The following MYOM1 variants were observed in gnomAD, a reference collection of about 807,000 sequenced individuals.
MYOM1 encodes the protein myomesin 1.
In MYOM1, 164 loss-of-function variants were observed where a neutral mutation model predicts 205.3. The observed-to-expected ratio is 0.80, with a 90% CI of 0.70 to 0.91. The LOEUF (loss-of-function observed/expected upper bound fraction) is 0.91. Ranked by LOEUF, MYOM1 falls within the 40% of genes least tolerant of loss-of-function variation. The pLI is 0.00. For missense variants in MYOM1, 2,011 were observed against 2,127.3 expected (o/e 0.95, Z 1.08); for synonymous variants, 772 against 789.4 (o/e 0.98, Z 0.37).
intron 25 of MYOM1, 58 bp from the exon 26 acceptor site, chr18:3,094,364 C>T (rs1432349271): frequency 2.4e-6 from 2 of 820,334 alleles, no homozygotes; most frequent in Non-Finnish European, 3.5e-6. Flanking sequence ...TATTGGTACT[C>T]ATTTTCCATC....
At chr18:3,110,114 A>G (rs1301324973) in intron 22 of MYOM1, among the ~76,000 whole-genome samples, 1 of 152,240 alleles carries the variant, frequency 6.6e-6, no homozygotes, top group Non-Finnish European at 1.5e-5. Context: ...GTTCCTATAC[A>G]TTTTGTAATC....
intron 13 of MYOM1, among the ~76,000 whole-genome samples, chr18:3,146,442 G>A (rs988888709): frequency 1.3e-5 from 2 of 151,964 alleles, no homozygotes; most frequent in Admixed American, 6.6e-5. Context: ...TTTAGTTTGC[G>A]TTATTTATTT....
Position 3,133,706 on chromosome 18 carries a change from A to C in MYOM1, c.2384+944T>G, listed in dbSNP as rs187295585. Among the ~76,000 whole-genome samples the C allele has an allele frequency of 1.9e-4, 29 of 152,334 alleles. No homozygotes were observed. The East Asian group carries it at 3.7e-3, about 19-fold the overall frequency. Reference sequence around the variant, plus strand: ...AAAATCAGAGGGGTAAAAAAGGAAGAAGCAGCAAAAGCACTATGAAATGAA... The same window carrying C: ...AAAATCAGAGGGGTAAAAAAGGAAGCAGCAGCAAAAGCACTATGAAATGAA... On this transcript the variant is annotated intron_variant, in intron 16 of 37. Transcript: ENST00000356443.
In MYOM1 at chr18:3,131,584, T is replaced by G. The variant is rs1017631914; in HGVS notation, c.2385-88A>C. 2.6e-6 allele frequency: 3 copies of G among 1,163,948 alleles called. No individual in the cohort carries two copies. In the African/African-American group the frequency reaches 4.8e-5, roughly 18 times the overall value. The allele number at this position is 1,163,948 out of a possible 1,614,324, so 72.1% of individuals were successfully genotyped here. ...GCTTAATGGAGTGGATCTGGCTTTATGAAAACAATTCTTTTTTTTTTATTG... is the reference window on the plus strand; with the variant it reads ...GCTTAATGGAGTGGATCTGGCTTTAGGAAAACAATTCTTTTTTTTTTATTG... On this transcript the variant is annotated intron_variant, in intron 16 of 37. Transcript: ENST00000356443.
chr18:3,154,489 T>A (rs1322015290), intron 11 of MYOM1, among the ~76,000 whole-genome samples: 1 of 151,822 alleles, frequency 6.6e-6, no homozygotes, highest in Non-Finnish European at 1.5e-5. Flanking sequence ...GTTCCAAAGA[T>A]GAATTTTGTG....
chr18:3,209,365 A>C lies in MYOM1; in HGVS notation c.290+5569T>G, dbSNP rs80251412. On this transcript the variant is annotated intron_variant, in intron 2 of 37. Coordinates refer to ENST00000356443, the MANE Select transcript of MYOM1 (RefSeq NM_003803.4). This position sits in a 1 kb window ranked among gnomAD's most constrained non-coding sequence, Gnocchi z 4.0. ...GCTCGCACATCCGCTCTTACTGCACATCTGGCCCTGGCTGGACTACAGCAC... is the reference window on the plus strand; with the variant it reads ...GCTCGCACATCCGCTCTTACTGCACCTCTGGCCCTGGCTGGACTACAGCAC... 0.014 allele frequency among the ~76,000 whole-genome samples: 2,170 copies of C among 152,312 alleles called. 30 individuals carry two copies. The highest frequency in any genetic ancestry group is 0.051 in the South Asian group (244 of 4,824).
At chr18:3,163,586 G>A (rs1405488529) in intron 10 of MYOM1, among the ~76,000 whole-genome samples, 1 of 152,058 alleles carries the variant, frequency 6.6e-6, no homozygotes, top group African/African-American at 2.4e-5. Flanking sequence ...CCAAGTAGCT[G>A]AGACTACAAG....
intron 29 of MYOM1, among the ~76,000 whole-genome samples, chr18:3,087,404 G>A (rs1351789368): frequency 1.3e-5 from 2 of 151,660 alleles, no homozygotes; most frequent in East Asian, 1.9e-4. Flanking sequence ...TCTGTTGTCC[G>A]GGATGGCAAA....
chr18:3,246,999 A>C, the MYOM1 span: 1 of 152,278 alleles, frequency 6.6e-6, no homozygotes, highest in Non-Finnish European at 1.5e-5. Flanking sequence ...GTTTTCACCA[A>C]GTCGCAAGTC....
chr18:3,111,939 C>T (rs1186649234), intron 22 of MYOM1, among the ~76,000 whole-genome samples: 1 of 152,184 alleles, frequency 6.6e-6, no homozygotes, highest in Non-Finnish European at 1.5e-5. Context: ...GTTCTAGCTT[C>T]CCCTATGATT....
intron 13 of MYOM1, among the ~76,000 whole-genome samples, chr18:3,146,736 A>T (rs2080128113): frequency 6.6e-6 from 1 of 152,072 alleles, no homozygotes; most frequent in Non-Finnish European, 1.5e-5. Context: ...TACCACTTCT[A>T]TTCAACATTG....
the MYOM1 span, among the ~76,000 whole-genome samples, chr18:3,228,701 T>G: frequency 6.6e-6 from 1 of 152,260 alleles, no homozygotes; most frequent in East Asian, 1.9e-4. The surrounding 1 kb of genome is among the most constrained non-coding windows in gnomAD (Gnocchi z 4.5). Context: ...ATCACCAAAA[T>G]CCAGTTTTAA....
chr18:3,185,642 T>C (rs2144133220), intron 5 of MYOM1, among the ~76,000 whole-genome samples: 1 of 152,184 alleles, frequency 6.6e-6, no homozygotes, highest in East Asian at 1.9e-4. Context: ...AAAGGCAGAG[T>C]GATTGCTAAC....
At chr18:3,130,511 G>A (rs1042118538) in intron 17 of MYOM1, among the ~76,000 whole-genome samples, 2 of 152,064 alleles carry the variant, frequency 1.3e-5, no homozygotes, top group African/African-American at 4.8e-5. Context: ...GAGTGCAGTG[G>A]TGAGATCATA....
At chr18:3,168,708 G>C in intron 9 of MYOM1, 109 bp downstream of exon 9, 1 of 1,090,234 alleles carries the variant, frequency 9.2e-7, no homozygotes, top group Non-Finnish European at 1.3e-6. Context: ...ATCGTGTAAA[G>C]GTAGTCCCTT....
chr18:3,197,630 T>A (rs966570143), intron 2 of MYOM1, among the ~76,000 whole-genome samples: 12 of 151,984 alleles, frequency 7.9e-5, no homozygotes, highest in Non-Finnish European at 1.6e-4. Context: ...TCCCAGCACG[T>A]TGGGAGGCCA....
intron 5 of MYOM1, among the ~76,000 whole-genome samples, chr18:3,186,802 G>GAA (rs1555628121): frequency 1.0e-3 from 140 of 138,870 alleles, no homozygotes; most frequent in Middle Eastern, 3.7e-3. Context: ...AAGAAAGAAA[G>GAA]AGAAAGAAAG....
chr18:3,246,831 G>A, the MYOM1 span: 1 of 152,244 alleles, frequency 6.6e-6, no homozygotes, highest in Non-Finnish European at 1.5e-5. Flanking sequence ...GGTAGGTGAG[G>A]TCAGAGAGCT....
chr18:3,192,398 T>A (rs561394309), intron 3 of MYOM1, among the ~76,000 whole-genome samples: 5 of 152,254 alleles, frequency 3.3e-5, no homozygotes, highest in Non-Finnish European at 7.3e-5. Flanking sequence ...AATAGAATGT[T>A]ATTTATCCCT....
Sources: allele counts gnomAD v4.1 joint callset (sites outside exome capture counted in the v4.1 genomes callset), GRCh38; gene constraint gnomAD v4.1.1; non-coding constraint Gnocchi (gnomAD v3.1); transcripts MANE v1.5; gene names NCBI Gene and HGNC (gene_info 2026-07-23, HGNC 2026-07-21).